The following ST6GALNAC3 variants were observed in gnomAD, a reference collection of about 807,000 sequenced individuals.
ST6GALNAC3 encodes the protein alpha-N-acetylgalactosaminide alpha-2,6-sialyltransferase 3.
A neutral mutation model predicts 32.7 loss-of-function variants in ST6GALNAC3; 25 were observed. The ratio of observed to expected loss-of-function variants is 0.76; its 90% confidence interval spans 0.56 to 1.07. The LOEUF (loss-of-function observed/expected upper bound fraction) is 1.07, where lower values mean the gene tolerates loss of function less well. Ranked by LOEUF, ST6GALNAC3 falls within the 50% of genes least tolerant of loss-of-function variation. ST6GALNAC3 has a pLI of 0.00. For synonymous variants in ST6GALNAC3, 129 were observed against 133.1 expected (o/e 0.97, Z 0.21); for missense variants, 355 against 382.4 (o/e 0.93, Z 0.60).
At chr1:76,502,055 C>T (rs578111640) in intron 3 of ST6GALNAC3, among the ~76,000 whole-genome samples, 44 of 152,308 alleles carry the variant, frequency 2.9e-4, no homozygotes, top group South Asian at 1.5e-3. Flanking sequence ...CAGTGTTGCT[C>T]CTCCTGTGCG....
intron 3 of ST6GALNAC3, among the ~76,000 whole-genome samples, chr1:76,550,017 G>A (rs1664529982): frequency 6.6e-6 from 1 of 152,128 alleles, no homozygotes. Flanking sequence ...TAGAGGGAAT[G>A]GGTTTTGTTT....
intron 2 of ST6GALNAC3, among the ~76,000 whole-genome samples, chr1:76,369,031 A>C (rs1428779781): frequency 6.6e-6 from 1 of 152,116 alleles, no homozygotes; most frequent in Admixed American, 6.5e-5. Flanking sequence ...TGCTTAACAA[A>C]ATTTTTAGTG....
At chr1:76,335,235 G>A (rs369625816) in intron 2 of ST6GALNAC3, among the ~76,000 whole-genome samples, 2 of 152,174 alleles carry the variant, frequency 1.3e-5, no homozygotes, top group African/African-American at 2.4e-5. Context: ...CATACCTGGC[G>A]GGTTATTGTC....
chr1:76,151,749 A>G (rs1031700341), intron 1 of ST6GALNAC3, among the ~76,000 whole-genome samples: 2 of 152,180 alleles, frequency 1.3e-5, no homozygotes, highest in Non-Finnish European at 2.9e-5. Context: ...CACTGTTACA[A>G]TGAAGGCTGA....
intron 2 of ST6GALNAC3, among the ~76,000 whole-genome samples, chr1:76,397,760 G>C (rs892555206): frequency 2.0e-5 from 3 of 152,060 alleles, no homozygotes; most frequent in African/African-American, 7.2e-5. Context: ...TTGCATGTTA[G>C]ATTTCTTCTA....
chr1:76,207,983 C>G (rs1654914899), intron 1 of ST6GALNAC3, among the ~76,000 whole-genome samples: 1 of 152,178 alleles, frequency 6.6e-6, no homozygotes, highest in Admixed American at 6.5e-5. Context: ...CTGAGTTCTG[C>G]TGCTGTGCTT....
At chr1:76,182,622 G>T (rs897077154) in intron 1 of ST6GALNAC3, among the ~76,000 whole-genome samples, 7 of 152,024 alleles carry the variant, frequency 4.6e-5, no homozygotes, top group Non-Finnish European at 1.0e-4. Flanking sequence ...AAATTTTGAT[G>T]GCCATGTAAA....
intron 1 of ST6GALNAC3, among the ~76,000 whole-genome samples, chr1:76,218,584 A>G (rs1478600252): frequency 6.6e-6 from 1 of 152,236 alleles, no homozygotes; most frequent in East Asian, 1.9e-4. Context: ...AGGAAAAATT[A>G]TATCTATAAT....
chr1:76,528,870 A>G (rs992043165), intron 3 of ST6GALNAC3, among the ~76,000 whole-genome samples: 6 of 150,586 alleles, frequency 4.0e-5, no homozygotes, highest in African/African-American at 1.5e-4. Flanking sequence ...CTATTAATAT[A>G]TTGAACATGA....
intron 3 of ST6GALNAC3, among the ~76,000 whole-genome samples, chr1:76,482,835 C>A (rs1220269137): frequency 6.6e-6 from 1 of 151,810 alleles, no homozygotes; most frequent in African/African-American, 2.4e-5. Flanking sequence ...ATTAACTCAT[C>A]ATTTACATTA....
intron 3 of ST6GALNAC3, among the ~76,000 whole-genome samples, chr1:76,457,930 CA>C (rs1657964502): frequency 1.3e-5 from 2 of 150,626 alleles, no homozygotes; most frequent in Non-Finnish European, 3.0e-5. Flanking sequence ...AAAAAACTAC[CA>C]TCAGAGTGAA....
chr1:76,337,410 G>A (rs1557799678), intron 2 of ST6GALNAC3, among the ~76,000 whole-genome samples: 1 of 152,168 alleles, frequency 6.6e-6, no homozygotes, highest in Non-Finnish European at 1.5e-5. Flanking sequence ...CCTTTCCATT[G>A]GGCTTGGAAT....
intron 3 of ST6GALNAC3, among the ~76,000 whole-genome samples, chr1:76,574,204 T>C (rs1646762281): frequency 6.6e-6 from 1 of 152,124 alleles, no homozygotes; most frequent in Non-Finnish European, 1.5e-5. Flanking sequence ...TTTTGAGTGA[T>C]GATGTGTTAA....
At chr1:76,322,999 C>T (rs1330175010) in intron 2 of ST6GALNAC3, among the ~76,000 whole-genome samples, 1 of 152,022 alleles carries the variant, frequency 6.6e-6, no homozygotes, top group Non-Finnish European at 1.5e-5. Flanking sequence ...TGCCACCATG[C>T]CCAAAAATTT....
chr1:76,469,375 T>C (rs759636212), intron 3 of ST6GALNAC3, among the ~76,000 whole-genome samples: 1 of 151,996 alleles, frequency 6.6e-6, no homozygotes, highest in African/African-American at 2.4e-5. Context: ...CTAGTGTAGG[T>C]GTTTAGTAAA....
chr1:76,277,316 G>T (rs957667106), intron 1 of ST6GALNAC3, among the ~76,000 whole-genome samples: 1 of 151,698 alleles, frequency 6.6e-6, no homozygotes, highest in Non-Finnish European at 1.5e-5. Flanking sequence ...ATATATTTGG[G>T]CAGTGTGGTA....
chr1:76,573,955 C>T (rs977588370), intron 3 of ST6GALNAC3, among the ~76,000 whole-genome samples: 2 of 151,852 alleles, frequency 1.3e-5, no homozygotes, highest in Non-Finnish European at 2.9e-5. Context: ...TTCATCCAAT[C>T]TTATGGGGAA....
intron 1 of ST6GALNAC3, among the ~76,000 whole-genome samples, chr1:76,218,222 C>T (rs1311313654): frequency 6.6e-6 from 1 of 152,136 alleles, no homozygotes; most frequent in East Asian, 1.9e-4. Flanking sequence ...GCAAACCCAA[C>T]TTTGAATAGA....
At chr1:76,303,214 A>C (rs1660831836) in intron 1 of ST6GALNAC3, among the ~76,000 whole-genome samples, 1 of 151,984 alleles carries the variant, frequency 6.6e-6, no homozygotes, top group Non-Finnish European at 1.5e-5. Context: ...ACAGCAGTTA[A>C]TCAGAGGCTG....
Sources: allele counts gnomAD v4.1 joint callset (sites outside exome capture counted in the v4.1 genomes callset), GRCh38; gene constraint gnomAD v4.1.1; transcripts MANE v1.5; gene names NCBI Gene and HGNC (gene_info 2026-07-23, HGNC 2026-07-21).